Variants in CEP63 observed in about 807,000 individuals in gnomAD.
The protein encoded by CEP63 is centrosomal protein 63.
In CEP63, 84 loss-of-function variants were observed where a neutral mutation model predicts 89.1. The observed-to-expected ratio is 0.94, with a 90% confidence interval of 0.79 to 1.13. CEP63 has a LOEUF of 1.13. CEP63 is among the 50% of genes most tolerant of loss of function. The probability of loss-of-function intolerance (pLI) is 0.00; values close to 1 mark genes in which losing one functional copy is unlikely to be tolerated. For missense variants in CEP63, 838 were observed against 813.3 expected, an observed-to-expected ratio of 1.03 and a Z score of -0.37; for synonymous variants, 267 against 272.5, an observed-to-expected ratio of 0.98 and a Z score of 0.20.
chr3:134,724,646 C>T, the CEP63 span, among the ~76,000 whole-genome samples: 1 of 152,180 alleles, frequency 6.6e-6, no homozygotes, highest in Non-Finnish European at 1.5e-5. Flanking sequence ...GCTTCAGCTC[C>T]CATGAATGCC....
At chr3:134,649,377 C>T in the CEP63 span, among the ~76,000 whole-genome samples, 1 of 152,102 alleles carries the variant, frequency 6.6e-6, no homozygotes, top group East Asian at 1.9e-4. Context: ...GTGTCAGAGC[C>T]TTTAGAAGTG....
the CEP63 span, among the ~76,000 whole-genome samples, chr3:134,624,053 C>T: frequency 6.6e-6 from 1 of 152,212 alleles, no homozygotes; most frequent in Non-Finnish European, 1.5e-5. Flanking sequence ...GCCACAGACA[C>T]TAGAGCCCCT....
chr3:134,558,568 T>TAA (rs1280160978), intron 13 of CEP63, among the ~76,000 whole-genome samples: 6 of 152,216 alleles, frequency 3.9e-5, no homozygotes, highest in African/African-American at 1.4e-4. Flanking sequence ...ACACTCTGGA[T>TAA]ATCAGTGTAA....
At chr3:134,571,852 C>G (rs1387775721) in intron 11 of CEP63, among the ~76,000 whole-genome samples, 2 of 152,212 alleles carry the variant, frequency 1.3e-5, no homozygotes, top group African/African-American at 4.8e-5. Flanking sequence ...AGGTCTATCA[C>G]CTACCATGCT....
the CEP63 span, among the ~76,000 whole-genome samples, chr3:134,686,812 AT>A: frequency 1.3e-5 from 2 of 152,168 alleles, no homozygotes; most frequent in African/African-American, 4.8e-5. Flanking sequence ...CATTGACACC[AT>A]TTTAGGGACG....
chr3:134,688,473 T>C, the CEP63 span, among the ~76,000 whole-genome samples: 1 of 152,176 alleles, frequency 6.6e-6, no homozygotes, highest in Non-Finnish European at 1.5e-5. Flanking sequence ...GTGCCATAAA[T>C]TTACTAAAAA....
the CEP63 span, chr3:134,604,485 A>G: frequency 1.3e-6 from 2 of 1,594,948 alleles, no homozygotes; most frequent in Non-Finnish European, 1.7e-6. Flanking sequence ...CTGAGGAGAG[A>G]AAGTCAGGGT....
chr3:134,594,167 A>T, the CEP63 span, among the ~76,000 whole-genome samples: 1 of 152,248 alleles, frequency 6.6e-6, no homozygotes, highest in Non-Finnish European at 1.5e-5. Context: ...ATTTTGTTCT[A>T]AATAAACGCT....
At chr3:134,722,754 C>T in the CEP63 span, among the ~76,000 whole-genome samples, 8 of 152,102 alleles carry the variant, frequency 5.3e-5, no homozygotes, top group African/African-American at 1.9e-4. Flanking sequence ...TATTTATTCA[C>T]TCTGGTGGTT....
the CEP63 span, among the ~76,000 whole-genome samples, chr3:134,735,998 T>C: frequency 6.6e-6 from 1 of 151,830 alleles, no homozygotes; most frequent in Admixed American, 6.6e-5. Flanking sequence ...CTTAAGAAAA[T>C]AGGTTGAAAA....
Position 134,584,956 on chromosome 3 carries a change from GTTTTTT to G in CEP63, c.1207-2489_1207-2484del, listed in dbSNP as rs780691730. 4.9e-3 allele frequency among the ~76,000 whole-genome samples: 175 copies of G among 36,064 alleles called. 8 individuals are homozygous for G. The Middle Eastern group carries it at 0.05, about 10-fold the overall frequency. The allele number at this position is 36,064 out of a possible 152,430, so 23.7% of individuals were successfully genotyped here. On this transcript the variant is annotated intron_variant, in intron 10 of 10. Transcript: ENST00000683931. ...ATCCATTTCTTCTAGATTTTCTAGG[GTTTTTT>G]TTTTTTTTTTTTGCATGGAGGTGTT...
At chr3:134,494,208 C>T (rs1938872644) in intron 1 of CEP63, among the ~76,000 whole-genome samples, 1 of 151,302 alleles carries the variant, frequency 6.6e-6, no homozygotes, top group African/African-American at 2.4e-5. Context: ...CTCCGCCTCC[C>T]GACTTCAAGC....
chr3:134,762,769 C>T, the CEP63 span, among the ~76,000 whole-genome samples: 107 of 152,216 alleles, frequency 7.0e-4, no homozygotes, highest in Non-Finnish European at 1.3e-3. Context: ...GGTTAAGCCA[C>T]CCACTTTGTG....
chr3:134,660,924 C>T, the CEP63 span, among the ~76,000 whole-genome samples: 7 of 152,070 alleles, frequency 4.6e-5, no homozygotes, highest in Admixed American at 1.3e-4. Context: ...CTGGGCCCTG[C>T]GGCTCTAAGC....
chr3:134,556,201 G>T lies in CEP63; in HGVS notation c.1468-1941G>T, dbSNP rs1956127529. Among the ~76,000 whole-genome samples the T allele has an allele frequency of 2.0e-5, 3 of 151,140 alleles. No individual in the cohort carries two copies. The South Asian group carries it at 6.3e-4, about 32-fold the overall frequency. On this transcript the variant is annotated intron_variant, in intron 12 of 14. Transcript: ENST00000675561. Reference sequence around the variant, plus strand: ...AGAAAACCTAGGCAATACCATTCAGGACATAGGCATGGGCAAGGACTTCAT... The same window carrying T: ...AGAAAACCTAGGCAATACCATTCAGTACATAGGCATGGGCAAGGACTTCAT...
rs1466168915 is a variant in CEP63 at position 134,545,754 on chromosome 3, A to G, written c.724A>G (p.Met242Val). Reference protein sequence around the residue: ...MRVNDLVGTSMTVLQEQQQKE... With the variant: ...MRVNDLVGTSVTVLQEQQQKE... ...GGTCAATGACTTGGTTGGAACCAGT[A>G]TGACTGTCCTACAGGAGCAGCAGCA... Residue 242 changes from methionine (M) to valine (V), a missense_variant, in exon 7 of 15, where the codon ATG becomes GTG. Transcript: ENST00000675561. 5.0e-6 allele frequency: 8 copies of G among 1,614,024 alleles called. No individual in the cohort carries two copies. In the Admixed American group the frequency reaches 5.0e-5, roughly 10 times the overall value.
At chr3:134,711,655 G>A in the CEP63 span, among the ~76,000 whole-genome samples, 3 of 151,960 alleles carry the variant, frequency 2.0e-5, no homozygotes, top group South Asian at 2.1e-4. Context: ...TTTAAATATC[G>A]TATTTCCTTC....
chr3:134,488,798 G>T (rs1362325380), intron 1 of CEP63, among the ~76,000 whole-genome samples: 2 of 152,134 alleles, frequency 1.3e-5, no homozygotes, highest in Non-Finnish European at 2.9e-5. Flanking sequence ...ATGTAGAATT[G>T]CACTGTCCGG....
chr3:134,580,067 T>C (rs969218724), intron 10 of CEP63, among the ~76,000 whole-genome samples: 1 of 152,024 alleles, frequency 6.6e-6, no homozygotes, highest in African/African-American at 2.4e-5. Context: ...TGATGGTGGG[T>C]GCCTGTAATC....
Sources: allele counts gnomAD v4.1 joint callset (sites outside exome capture counted in the v4.1 genomes callset), GRCh38; gene constraint gnomAD v4.1.1; transcripts MANE v1.5; gene names NCBI Gene and HGNC (gene_info 2026-07-23, HGNC 2026-07-21).